Variants in NOS1AP observed in about 807,000 individuals in gnomAD.
The protein encoded by NOS1AP is nitric oxide synthase 1 adaptor protein.
A neutral mutation model predicts 56.2 loss-of-function variants in NOS1AP; 21 were observed. The observed-to-expected ratio is 0.37, with a 90% CI of 0.26 to 0.54. The LOEUF (loss-of-function observed/expected upper bound fraction) is 0.54, where lower values mean the gene tolerates loss of function less well. Among genes scored for constraint, NOS1AP ranks in the 20% least tolerant of loss-of-function variants. The probability of loss-of-function intolerance (pLI) is 0.84; values close to 1 mark genes in which losing one functional copy is unlikely to be tolerated. For missense variants in NOS1AP, 522 were observed against 657.8 expected (o/e 0.79, Z 2.26); for synonymous variants, 270 against 274.6 (o/e 0.98, Z 0.17).
At chr1:162,204,321 C>G (rs1652093040) in intron 2 of NOS1AP, among the ~76,000 whole-genome samples, 1 of 152,206 alleles carries the variant, frequency 6.6e-6, no homozygotes, top group Non-Finnish European at 1.5e-5. Flanking sequence ...CATCCCAAAG[C>G]TTTAGGTCAT....
chr1:162,126,675 A>G (rs896839483), intron 1 of NOS1AP, among the ~76,000 whole-genome samples: 5 of 152,162 alleles, frequency 3.3e-5, no homozygotes, highest in African/African-American at 1.2e-4. Flanking sequence ...ACTTGTTTTC[A>G]ATAGATTGAT....
chr1:162,366,882 T>C, intron 9 of NOS1AP, 170 bp from the exon 10 acceptor site: 1 of 749,954 alleles, frequency 1.3e-6, no homozygotes, highest in Non-Finnish European at 2.4e-6. Flanking sequence ...TCTGGAGCTA[T>C]GTGGGGGCGG....
intron 2 of NOS1AP, among the ~76,000 whole-genome samples, chr1:162,264,690 A>T (rs951537125): frequency 6.9e-6 from 1 of 145,588 alleles, no homozygotes; most frequent in Admixed American, 7.0e-5. Context: ...AATTTTCAGT[A>T]GAGACAGGGT....
chr1:162,326,162 A>G, intron 4 of NOS1AP, among the ~76,000 whole-genome samples: 1 of 152,192 alleles, frequency 6.6e-6, no homozygotes. Context: ...TTGGTAGTCT[A>G]CATCCTCTAC....
At chr1:162,121,888 G>T (rs954390815) in intron 1 of NOS1AP, among the ~76,000 whole-genome samples, 2 of 152,076 alleles carry the variant, frequency 1.3e-5, no homozygotes, top group Non-Finnish European at 2.9e-5. Flanking sequence ...TTGAATGTTC[G>T]CAGTTGGGGC....
At chr1:162,363,919 G>C in intron 8 of NOS1AP, 5 of 985,328 alleles carry the variant, frequency 5.1e-6, no homozygotes, top group Non-Finnish European at 6.0e-6. Flanking sequence ...TGCCCCTGTG[G>C]CTCCACTCAA....
intron 1 of NOS1AP, among the ~76,000 whole-genome samples, chr1:162,075,689 G>C (rs1201786762): frequency 6.6e-6 from 1 of 152,086 alleles, no homozygotes; most frequent in Non-Finnish European, 1.5e-5. Context: ...TGTATTTTCT[G>C]ATGTCATCAT....
chr1:162,291,248 C>T (rs946400068), intron 3 of NOS1AP, among the ~76,000 whole-genome samples: 1 of 152,144 alleles, frequency 6.6e-6, no homozygotes, highest in Non-Finnish European at 1.5e-5. Context: ...CTCCAGTGAA[C>T]TTTTTAAGGG....
chr1:162,307,992 G>A (rs1043443662), intron 4 of NOS1AP, among the ~76,000 whole-genome samples: 31 of 152,328 alleles, frequency 2.0e-4, no homozygotes, highest in African/African-American at 6.7e-4. Context: ...AGGGGAAACA[G>A]TGGTATGTCA....
chr1:162,105,071 C>A (rs1647441865), intron 1 of NOS1AP, among the ~76,000 whole-genome samples: 1 of 152,094 alleles, frequency 6.6e-6, no homozygotes, highest in Admixed American at 6.5e-5. Flanking sequence ...GGTTGCTGAC[C>A]TTTGAATAGG....
At chr1:162,295,816 C>T (rs945731538) in intron 3 of NOS1AP, among the ~76,000 whole-genome samples, 2 of 152,148 alleles carry the variant, frequency 1.3e-5, no homozygotes, top group Admixed American at 1.3e-4. Flanking sequence ...CTAGTCCAAA[C>T]ATCAGGAGAA....
intron 1 of NOS1AP, among the ~76,000 whole-genome samples, chr1:162,082,611 A>G (rs929057519): frequency 3.3e-5 from 5 of 151,820 alleles, no homozygotes; most frequent in African/African-American, 7.3e-5. Context: ...TTATTTTTTG[A>G]CTTTTTAGTA....
chr1:162,359,034 C>T (rs1461712475), intron 8 of NOS1AP, among the ~76,000 whole-genome samples: 1 of 152,116 alleles, frequency 6.6e-6, no homozygotes, highest in Non-Finnish European at 1.5e-5. Context: ...TTGTCAGTCT[C>T]CATGGGAAAT....
At chr1:162,098,696 T>C (rs1692306450) in intron 1 of NOS1AP, among the ~76,000 whole-genome samples, 1 of 152,108 alleles carries the variant, frequency 6.6e-6, no homozygotes. Context: ...CTAGTGTGTG[T>C]TTTTCCCCAC....
chr1:162,258,637 ACAGTAATG>A (rs1311206103), intron 2 of NOS1AP, among the ~76,000 whole-genome samples: 3 of 152,210 alleles, frequency 2.0e-5, no homozygotes, highest in Middle Eastern at 3.2e-3. Flanking sequence ...AAATTGCCTG[ACAGTAATG>A]CCTATTTGAG....
chr1:162,139,678 C>CACAAA (rs1344133982), intron 1 of NOS1AP, among the ~76,000 whole-genome samples: 1 of 152,176 alleles, frequency 6.6e-6, no homozygotes, highest in Non-Finnish European at 1.5e-5. Flanking sequence ...AATCTTTCGC[C>CACAAA]ACAAAACAAT....
chr1:162,265,870 T>C (rs2101712613), intron 2 of NOS1AP, among the ~76,000 whole-genome samples: 1 of 152,334 alleles, frequency 6.6e-6, no homozygotes, highest in East Asian at 1.9e-4. Context: ...ATAAATCCTG[T>C]CCCAGAGTGG....
At position 162,281,747 on chromosome 1, in the gene NOS1AP, C is replaced by A. The variant is rs116370975; in HGVS notation, c.178-5597C>A. The stretch of plus-strand genomic sequence containing the variant: ...CGTGAGCAGAATTTAAGTGGACTTG[C>A]CGTGAGAACAAATGTGTTTGTTACA... On this transcript the variant is annotated intron_variant, in intron 2 of 9. Transcript: ENST00000361897. Among the ~76,000 whole-genome samples the A allele has an allele frequency of 8.6e-3, 1,314 of 152,284 alleles. 3 individuals are homozygous for A. Among genetic ancestry groups the A allele is most frequent in the Non-Finnish European group, 0.014 (979 of 68,036 alleles).
At chr1:162,083,862 T>G (rs1163681983) in intron 1 of NOS1AP, among the ~76,000 whole-genome samples, 1 of 152,200 alleles carries the variant, frequency 6.6e-6, no homozygotes, top group Non-Finnish European at 1.5e-5. Context: ...TTTTCCACCA[T>G]GTGATTCTGA....
Sources: allele counts gnomAD v4.1 joint callset (sites outside exome capture counted in the v4.1 genomes callset), GRCh38; gene constraint gnomAD v4.1.1; transcripts MANE v1.5; gene names NCBI Gene and HGNC (gene_info 2026-07-23, HGNC 2026-07-21).